The following CCDC25 variants were observed in gnomAD, a reference collection of about 807,000 sequenced individuals.
CCDC25 encodes the protein coiled-coil domain-containing protein 25.
In CCDC25, 16 loss-of-function variants were observed where a neutral mutation model predicts 35.3. The observed-to-expected ratio is 0.45, with a 90% CI of 0.31 to 0.69. The LOEUF (loss-of-function observed/expected upper bound fraction) is 0.69, where lower values mean the gene tolerates loss of function less well. CCDC25 is among the 30% of genes least tolerant of loss of function. The probability of loss-of-function intolerance (pLI) is 0.06; values close to 1 mark genes in which losing one functional copy is unlikely to be tolerated. For missense variants in CCDC25, 179 were observed against 250.7 expected, an observed-to-expected ratio of 0.71 and a Z score of 1.93; for synonymous variants, 79 against 80.3, an observed-to-expected ratio of 0.98 and a Z score of 0.09.
At chr8:27,765,343 G>A in intron 1 of CCDC25, 92 bp from the exon 2 acceptor site, 2 of 1,078,354 alleles carry the variant, frequency 1.9e-6, no homozygotes, top group Non-Finnish European at 2.5e-6. Context: ...TTAGACTAGG[G>A]GCTGGCAAAC....
intron 4 of CCDC25, 113 bp from the exon 5 acceptor site, chr8:27,752,700 G>A (rs1242496451): frequency 2.8e-6 from 2 of 710,118 alleles, no homozygotes; most frequent in African/African-American, 1.8e-5. Context: ...TAAAAGCAGA[G>A]GTTCTTCAAC....
In CCDC25 at chr8:27,748,193, T is replaced by A. The variant is rs200774099; in HGVS notation, c.435A>T (p.Ala145=). ...CACGATCTCTGCATTCTTTCTCTGC[T>A]GCTAGGTCTGGGAACCGCTCGACTT... ...KTKVERFPDL[A]AEKECRDREE... The change falls in exon 7 of 9, where the codon GCA becomes GCT. Residue 145 remains alanine, a synonymous_variant. Coordinates refer to ENST00000356537, the MANE Select transcript of CCDC25 (RefSeq NM_018246.3). 101 of 1,613,990 alleles carry A rather than the reference T, an allele frequency of 6.3e-5. No homozygotes were observed. In the South Asian group the frequency reaches 1.0e-3, roughly 16 times the overall value.
chr8:27,757,543 GAT>G (rs1804055444), intron 3 of CCDC25, among the ~76,000 whole-genome samples: 2 of 152,026 alleles, frequency 1.3e-5, no homozygotes, highest in African/African-American at 4.8e-5. Flanking sequence ...TACCTTTCAT[GAT>G]GGATCTATCA....
intron 2 of CCDC25, among the ~76,000 whole-genome samples, chr8:27,764,962 C>T (rs2128946806): frequency 6.6e-6 from 1 of 152,320 alleles, no homozygotes; most frequent in East Asian, 1.9e-4. Context: ...TTGAGTTTTA[C>T]ATTTCTCCTA....
At chr8:27,746,460 G>C (rs1803604529) in intron 7 of CCDC25, among the ~76,000 whole-genome samples, 1 of 152,126 alleles carries the variant, frequency 6.6e-6, no homozygotes, top group South Asian at 2.1e-4. Flanking sequence ...AAGTAAATTA[G>C]GTGATCTTAT....
Position 27,752,501 on chromosome 8 carries a change from G to A in CCDC25, c.244+11C>T. The A allele has an allele frequency of 6.2e-7, 1 of 1,609,258 alleles. No individual in the cohort carries two copies. The highest frequency in any genetic ancestry group is 8.5e-7 in the Non-Finnish European group (1 of 1,176,012). Reference sequence around the variant, plus strand: ...CGTGCTAATTCTAAAAACACCTCTAGGAAAACTGACCTTGAATGCTATTGG... The same window carrying A: ...CGTGCTAATTCTAAAAACACCTCTAAGAAAACTGACCTTGAATGCTATTGG... On this transcript the variant is annotated intron_variant, in intron 5 of 8. Coordinates refer to ENST00000356537, the MANE Select transcript of CCDC25 (RefSeq NM_018246.3).
intron 7 of CCDC25, among the ~76,000 whole-genome samples, chr8:27,741,218 A>G (rs1056706824): frequency 2.6e-5 from 4 of 152,220 alleles, no homozygotes; most frequent in Non-Finnish European, 5.9e-5. Context: ...ATGAGGTTCA[A>G]TGGGCATTCA....
intron 8 of CCDC25, among the ~76,000 whole-genome samples, chr8:27,738,720 C>T (rs1252832358): frequency 6.6e-6 from 1 of 152,026 alleles, no homozygotes; most frequent in Non-Finnish European, 1.5e-5. Context: ...AATATGGGGG[C>T]TAGATTTCTG....
intron 4 of CCDC25, among the ~76,000 whole-genome samples, chr8:27,755,289 T>C (rs1173335503): frequency 6.6e-6 from 1 of 152,190 alleles, no homozygotes; most frequent in African/African-American, 2.4e-5. Context: ...GATGGGAGCA[T>C]GTCAGAGGAC....
chr8:27,748,385 GA>G lies in CCDC25; in HGVS notation c.349-107del. On this transcript the variant is annotated intron_variant, in intron 6 of 8. Transcript: ENST00000356537. Reference sequence around the variant, plus strand: ...TAGCAACCCAGTTTAATTCCCTTTAGAAAACATATATCATGCTCAGCCCTCA... The same window carrying G: ...TAGCAACCCAGTTTAATTCCCTTTAGAAACATATATCATGCTCAGCCCTCA... 5 of 1,321,102 alleles carry G rather than the reference GA, an allele frequency of 3.8e-6. No homozygotes were observed. In the South Asian group the frequency reaches 6.2e-5, roughly 16 times the overall value. The allele number at this position is 1,321,102 out of a possible 1,614,324, so 81.8% of individuals were successfully genotyped here. A position where few individuals can be genotyped will look rare whatever the true frequency, so the allele number is the denominator to read the frequency against.
At chr8:27,771,432 G>A (rs1231722226) in intron 1 of CCDC25, among the ~76,000 whole-genome samples, 4 of 152,050 alleles carry the variant, frequency 2.6e-5, no homozygotes, top group African/African-American at 9.7e-5. Context: ...GTATCAGTTC[G>A]GTGGAGTAAG....
intron 3 of CCDC25, among the ~76,000 whole-genome samples, chr8:27,758,524 T>G (rs1321554901): frequency 2.0e-5 from 3 of 152,226 alleles, no homozygotes; most frequent in South Asian, 2.1e-4. Flanking sequence ...ATGTGAGAGA[T>G]TCATACTAAT....
At chr8:27,750,286 T>G (rs1305088985) in intron 5 of CCDC25, among the ~76,000 whole-genome samples, 1 of 152,164 alleles carries the variant, frequency 6.6e-6, no homozygotes, top group Non-Finnish European at 1.5e-5. Context: ...GCCAAATGGG[T>G]TGACATCAAA....
At chr8:27,738,261 GAAACA>G (rs59689829) in intron 8 of CCDC25, among the ~76,000 whole-genome samples, 65,504 of 151,208 alleles carry the variant, frequency 0.43, 14,409 homozygotes, top group East Asian at 0.63. Flanking sequence ...ATAACTTATG[GAAACA>G]AAACAAAACA....
intron 3 of CCDC25, among the ~76,000 whole-genome samples, chr8:27,761,666 G>A (rs1164234573): frequency 6.6e-6 from 1 of 152,268 alleles, no homozygotes; most frequent in South Asian, 2.1e-4. Flanking sequence ...GTCAGTGGTG[G>A]AAGCTGAAGA....
rs2128934272 is a variant in CCDC25, at chr8:27,735,227, A to G, written c.*989T>C. On this transcript the variant is annotated 3_prime_UTR_variant, in exon 9 of 9. Coordinates refer to ENST00000356537, the MANE Select transcript of CCDC25 (RefSeq NM_018246.3). The stretch of plus-strand genomic sequence containing the variant: ...ATTTTCCAGTTCAACCCCATACACC[A>G]ACATGGAATAAATGGAAACACTAGC... The G allele has an allele frequency of 6.5e-6, 1 of 152,746 alleles. No homozygotes were observed. Among genetic ancestry groups the G allele is most frequent in the East Asian group, 1.9e-4 (1 of 5,184 alleles). 9.5% of individuals were successfully genotyped at this position (152,746 alleles called of 1,614,324 possible).
chr8:27,768,781 G>C (rs1244191524), intron 1 of CCDC25, among the ~76,000 whole-genome samples: 1 of 152,180 alleles, frequency 6.6e-6, no homozygotes, highest in Non-Finnish European at 1.5e-5. Context: ...CCCAACTTCA[G>C]AGGTGATCTG....
chr8:27,733,991 C>G lies in CCDC25; in HGVS notation c.*2225G>C, dbSNP rs1365175696. 6.6e-6 allele frequency: 1 copy of G among 152,346 alleles called. No homozygotes were observed. The highest frequency in any genetic ancestry group is 2.1e-4 in the South Asian group (1 of 4,828). 9.4% of individuals were successfully genotyped at this position (152,346 alleles called of 1,614,324 possible). Reference sequence around the variant, plus strand: ...GGGGAAAACCGCTGGCACTGAATAGCTGAAAGGCTCGCTGAAATCTGTGCT... The same window carrying G: ...GGGGAAAACCGCTGGCACTGAATAGGTGAAAGGCTCGCTGAAATCTGTGCT... On this transcript the variant is annotated 3_prime_UTR_variant, in exon 9 of 9. Transcript: ENST00000356537.
At chr8:27,759,960 G>A (rs1174296862) in intron 3 of CCDC25, among the ~76,000 whole-genome samples, 1 of 152,042 alleles carries the variant, frequency 6.6e-6, no homozygotes, top group Non-Finnish European at 1.5e-5. Context: ...ACCCTGGAAT[G>A]GTGATCAACT....
Sources: gnomAD v4.1 joint callset for allele counts (sites outside exome capture counted in the v4.1 genomes callset) on GRCh38, gnomAD v4.1.1 for gene constraint, MANE v1.5 for transcripts, NCBI Gene and HGNC (gene_info 2026-07-23, HGNC 2026-07-21) for gene names.